The following ANKS1B variants were observed in gnomAD, a reference collection of about 807,000 sequenced individuals.
The protein encoded by ANKS1B is ankyrin repeat and sterile alpha motif domain-containing protein 1B.
In ANKS1B, 36 loss-of-function variants were observed where a neutral mutation model predicts 148.3. The observed-to-expected ratio is 0.24, with a 90% CI of 0.19 to 0.32. The LOEUF (loss-of-function observed/expected upper bound fraction) is 0.32, where lower values mean the gene tolerates loss of function less well. ANKS1B is among the 10% of genes least tolerant of loss of function. The pLI is 1.00. For synonymous variants in ANKS1B, 542 were observed against 560.8 expected, an observed-to-expected ratio of 0.97 and a Z score of 0.47; for missense variants, 1,157 against 1,542.6, an observed-to-expected ratio of 0.75 and a Z score of 4.19.
intron 1 of ANKS1B, among the ~76,000 whole-genome samples, chr12:99,946,849 G>A (rs533996448): frequency 1.3e-5 from 2 of 152,220 alleles, no homozygotes; most frequent in Admixed American, 6.5e-5. Flanking sequence ...AATACATGGA[G>A]TACTACCACC....
intron 17 of ANKS1B, among the ~76,000 whole-genome samples, chr12:98,873,744 C>T (rs1045995286): frequency 3.3e-5 from 5 of 152,160 alleles, no homozygotes; most frequent in Non-Finnish European, 5.9e-5. Flanking sequence ...AAAGGATACC[C>T]CACTGAAAAA....
intron 15 of ANKS1B, among the ~76,000 whole-genome samples, chr12:99,089,024 C>T (rs1565996424): frequency 6.6e-6 from 1 of 151,626 alleles, no homozygotes; most frequent in Non-Finnish European, 1.5e-5. Flanking sequence ...AGGGTTTCAT[C>T]ATGTTGGCCA....
rs2097869513 is a variant in ANKS1B, at chr12:98,745,829, T to C, written c.3768A>G (p.Gln1256=). ...TCCACGGTAGATTGGCCAGAGTCTT[T>C]TGCTCAGATGGGTCGATCTGCTTTA... ...RKSVQIDPSE[Q]KTLANLPWIV... Residue 1256 remains glutamine (Q), a synonymous_variant, in exon 27 of 27, where the codon CAA becomes CAG. Coordinates refer to ENST00000683438, the MANE Select transcript of ANKS1B (RefSeq NM_001352186.2). 1.2e-6 allele frequency: 2 copies of C among 1,613,514 alleles called. No individual in the cohort carries two copies. Among genetic ancestry groups the C allele is most frequent in the African/African-American group, 2.7e-5 (2 of 75,004 alleles).
intron 15 of ANKS1B, among the ~76,000 whole-genome samples, chr12:99,148,697 G>A (rs2073986726): frequency 6.6e-6 from 1 of 152,110 alleles, no homozygotes; most frequent in South Asian, 2.1e-4. Flanking sequence ...GAAATGAGAA[G>A]TCTTACTTTG....
intron 12 of ANKS1B, among the ~76,000 whole-genome samples, chr12:99,271,492 T>C (rs2077029740): frequency 1.3e-5 from 2 of 151,856 alleles, no homozygotes; most frequent in Non-Finnish European, 2.9e-5. Context: ...TTCTTTACAT[T>C]AGTATCCCTA....
At chr12:99,254,225 G>A (rs904820408) in intron 12 of ANKS1B, among the ~76,000 whole-genome samples, 3 of 152,196 alleles carry the variant, frequency 2.0e-5, no homozygotes, top group African/African-American at 2.4e-5. Flanking sequence ...CTGTGGTTGT[G>A]TAAGAATGTA....
chr12:99,587,805 C>A (rs539362855), intron 9 of ANKS1B, among the ~76,000 whole-genome samples: 1 of 150,998 alleles, frequency 6.6e-6, no homozygotes, highest in East Asian at 1.9e-4. Flanking sequence ...ATCTTTAGCA[C>A]AAAAAAAATG....
At chr12:99,905,312 G>C (rs1205699270) in intron 1 of ANKS1B, among the ~76,000 whole-genome samples, 1 of 152,178 alleles carries the variant, frequency 6.6e-6, no homozygotes, top group African/African-American at 2.4e-5. Flanking sequence ...AGAGACCATG[G>C]AAGGGAGTGG....
intron 19 of ANKS1B, among the ~76,000 whole-genome samples, chr12:98,821,913 CTT>C (rs35654710): frequency 1.5e-4 from 21 of 137,756 alleles, no homozygotes; most frequent in Admixed American, 2.2e-4. Context: ...TGGCCTGGGA[CTT>C]TTTTTTTTTT....
intron 17 of ANKS1B, among the ~76,000 whole-genome samples, chr12:98,909,744 A>G (rs1326675546): frequency 6.6e-6 from 1 of 152,222 alleles, no homozygotes; most frequent in Admixed American, 6.5e-5. Context: ...CCAAAAAGGG[A>G]AAGTGTACCA....
At chr12:99,484,769 T>TTTTG in intron 10 of ANKS1B, among the ~76,000 whole-genome samples, 1 of 149,746 alleles carries the variant, frequency 6.7e-6, no homozygotes, top group East Asian at 2.0e-4. Context: ...TGTGTGTTTT[T>TTTTG]TTTTTTTTTT....
intron 11 of ANKS1B, among the ~76,000 whole-genome samples, chr12:99,432,652 T>C (rs1307788733): frequency 6.6e-6 from 1 of 152,134 alleles, no homozygotes; most frequent in Non-Finnish European, 1.5e-5. Flanking sequence ...GAGAATAAAG[T>C]GGTAGCTACT....
intron 12 of ANKS1B, among the ~76,000 whole-genome samples, chr12:99,304,482 T>A (rs957155385): frequency 6.6e-6 from 1 of 152,152 alleles, no homozygotes; most frequent in Non-Finnish European, 1.5e-5. Flanking sequence ...TCTACCGTTT[T>A]CTTTTACTAG....
chr12:99,575,029 C>T (rs1237046422), intron 9 of ANKS1B, among the ~76,000 whole-genome samples: 1 of 152,034 alleles, frequency 6.6e-6, no homozygotes, highest in African/African-American at 2.4e-5. Flanking sequence ...TACTACAGAA[C>T]TTTAAAAGCT....
Position 99,620,173 on chromosome 12 carries a change from A to G in ANKS1B, c.1272+34894T>C, listed in dbSNP as rs140604132. ...CCTACCCAGTATTCTCTACAGTCAC[A>G]CCCCTTAGGGAGATGGGAAAGGGAA... On this transcript the variant is annotated intron_variant, in intron 9 of 26. Transcript: ENST00000683438. Among the ~76,000 whole-genome samples, 1,261 of 152,192 alleles carry G rather than the reference A, an allele frequency of 8.3e-3. 23 individuals are homozygous for G. The highest frequency in any genetic ancestry group is 0.029 in the African/African-American group (1,203 of 41,514).
At chr12:99,399,421 T>A (rs1301921624) in intron 12 of ANKS1B, among the ~76,000 whole-genome samples, 1 of 152,082 alleles carries the variant, frequency 6.6e-6, no homozygotes, top group Non-Finnish European at 1.5e-5. Flanking sequence ...TAAATCATCA[T>A]CTTTAATATC....
At chr12:99,609,575 G>T (rs746285333) in intron 9 of ANKS1B, among the ~76,000 whole-genome samples, 4 of 151,538 alleles carry the variant, frequency 2.6e-5, no homozygotes, top group African/African-American at 4.9e-5. Context: ...CTGAGAGCTG[G>T]CACGATAAAA....
chr12:99,925,257 A>T (rs2094455161), intron 1 of ANKS1B, among the ~76,000 whole-genome samples: 2 of 152,200 alleles, frequency 1.3e-5, no homozygotes, highest in African/African-American at 4.8e-5. Flanking sequence ...GCTTACCTGT[A>T]GTCACCTTGG....
chr12:99,890,275 A>G (rs2093027326), intron 1 of ANKS1B, among the ~76,000 whole-genome samples: 1 of 152,176 alleles, frequency 6.6e-6, no homozygotes, highest in African/African-American at 2.4e-5. Flanking sequence ...GACTTTTAGT[A>G]AATTAGATTA....
Sources: gnomAD v4.1 joint callset for allele counts (sites outside exome capture counted in the v4.1 genomes callset) on GRCh38, gnomAD v4.1.1 for gene constraint, MANE v1.5 for transcripts, NCBI Gene and HGNC (gene_info 2026-07-23, HGNC 2026-07-21) for gene names.